The following CNOT4 variants were observed in gnomAD, a reference collection of about 807,000 sequenced individuals.
CNOT4 encodes the protein CCR4-associated factor 4.
CNOT4 carries 8 observed loss-of-function variants against 73.8 expected under a neutral mutation model. The observed-to-expected ratio is 0.11, with a 90% CI of 0.06 to 0.20. The LOEUF (loss-of-function observed/expected upper bound fraction) is 0.20, where lower values mean the gene tolerates loss of function less well. CNOT4 is among the 10% of genes least tolerant of loss of function. The probability of loss-of-function intolerance (pLI) is 1.00; values close to 1 mark genes in which losing one functional copy is unlikely to be tolerated. For missense variants in CNOT4, 564 were observed against 883.4 expected (o/e 0.64, Z 4.58); for synonymous variants, 293 against 321.1 (o/e 0.91, Z 0.94).
At chr7:135,495,125 T>C (rs1476714112) in intron 1 of CNOT4, among the ~76,000 whole-genome samples, 1 of 152,194 alleles carries the variant, frequency 6.6e-6, no homozygotes, top group Non-Finnish European at 1.5e-5. Flanking sequence ...GGTTAGCAAG[T>C]AGCAGAGCCC....
intron 10 of CNOT4, chr7:135,384,514 T>G: frequency 3.3e-6 from 2 of 604,250 alleles, no homozygotes; most frequent in Non-Finnish European, 6.0e-6. Flanking sequence ...CTCGATCTCC[T>G]GACCTTGTGA....
rs962428325 is a variant in CNOT4 at position 135,368,303 on chromosome 7, G to A, written c.1628-4237C>T. On this transcript the variant is annotated intron_variant, in intron 10 of 11. Coordinates refer to ENST00000541284, the MANE Select transcript of CNOT4 (RefSeq NM_001190850.2). ...TGCACTAAACAAGCTGACAAATCTAGTTTTCAGCAACAACAACAGTTTAAA... is the reference window on the plus strand; with the variant it reads ...TGCACTAAACAAGCTGACAAATCTAATTTTCAGCAACAACAACAGTTTAAA... Among the ~76,000 whole-genome samples the A allele has an allele frequency of 2.0e-5, 3 of 152,066 alleles. No homozygotes were observed. In the East Asian group the frequency reaches 5.8e-4, roughly 29 times the overall value.
intron 1 of CNOT4, among the ~76,000 whole-genome samples, chr7:135,503,795 C>T (rs1804162811): frequency 6.6e-6 from 1 of 151,902 alleles, no homozygotes; most frequent in Non-Finnish European, 1.5e-5. Flanking sequence ...AAAGGATTTC[C>T]ATGAAAAGAA....
Position 135,415,113 on chromosome 7 carries a change from G to C in CNOT4, c.459+63C>G. Reference sequence around the variant, plus strand: ...AATCAGAGAGAGCAAAGTTTCCTTTGGAACAGCCCAGGTCAAGCCCAGACC... The same window carrying C: ...AATCAGAGAGAGCAAAGTTTCCTTTCGAACAGCCCAGGTCAAGCCCAGACC... On this transcript the variant is annotated intron_variant, in intron 4 of 11. Coordinates refer to ENST00000541284, the MANE Select transcript of CNOT4 (RefSeq NM_001190850.2). 3.2e-6 allele frequency: 3 copies of C among 943,766 alleles called. No individual in the cohort carries two copies. The South Asian group carries it at 4.2e-5, about 13-fold the overall frequency. The allele number at this position is 943,766 out of a possible 1,614,324, so 58.5% of individuals were successfully genotyped here.
In CNOT4 at chr7:135,504,479, T is replaced by A. The variant is rs1356659448; in HGVS notation, c.-93+5410A>T. ...TCCGGCTAATTTTTTTTTTTTTTTT[T>A]TTTTTTTTTTATTTTTATTTTTTTT... is the stretch of plus-strand genomic sequence containing the variant. On this transcript the variant is annotated intron_variant, in intron 1 of 11. Coordinates refer to ENST00000541284, the MANE Select transcript of CNOT4 (RefSeq NM_001190850.2). 8.0e-4 allele frequency among the ~76,000 whole-genome samples: 43 copies of A among 53,770 alleles called. 6 individuals are homozygous for A. The highest frequency in any genetic ancestry group is 2.3e-3 in the African/African-American group (25 of 10,782). 35.3% of individuals were successfully genotyped at this position (53,770 alleles called of 152,430 possible).
chr7:135,418,770 T>A lies in CNOT4; in HGVS notation c.372+3386A>T, dbSNP rs532215601. ...CACTCTTCTTTATGTGCTACCTAGA[T>A]AACACCTATTAATTCTTCAAGCTGA... On this transcript the variant is annotated intron_variant, in intron 3 of 11. Coordinates refer to ENST00000541284, the MANE Select transcript of CNOT4 (RefSeq NM_001190850.2). Among the ~76,000 whole-genome samples the A allele has an allele frequency of 4.1e-4, 63 of 152,330 alleles. 1 individual carries two copies. In the South Asian group the frequency reaches 0.013, roughly 31 times the overall value.
At chr7:135,486,435 C>G (rs1342693626) in intron 1 of CNOT4, among the ~76,000 whole-genome samples, 2 of 152,124 alleles carry the variant, frequency 1.3e-5, no homozygotes, top group African/African-American at 2.4e-5. Flanking sequence ...AGAAACTGGA[C>G]CACTCATTTA....
At chr7:135,499,637 C>G (rs576383612) in intron 1 of CNOT4, among the ~76,000 whole-genome samples, 3 of 151,358 alleles carry the variant, frequency 2.0e-5, no homozygotes, top group Admixed American at 6.6e-5. Context: ...TCATCCCATA[C>G]TCCAAGGGAT....
rs115532774 is a variant in CNOT4, at chr7:135,441,334, T to C, written c.-92-2911A>G. 8.7e-3 allele frequency among the ~76,000 whole-genome samples: 1,321 copies of C among 152,120 alleles called. 24 individuals are homozygous for C. The highest frequency in any genetic ancestry group is 0.03 in the African/African-American group (1,262 of 41,528). On this transcript the variant is annotated intron_variant, in intron 1 of 11. Coordinates refer to ENST00000541284, the MANE Select transcript of CNOT4 (RefSeq NM_001190850.2). ...GAAAAATTAAATTACTTCTCACTTT[T>C]GCTAATAATTAGAAGAAAAATACAA...
rs748199898 is a variant in CNOT4 at position 135,394,355 on chromosome 7, T to A, written c.1190A>T (p.Lys397Ile). The A allele has an allele frequency of 2.5e-6, 4 of 1,614,102 alleles. No homozygotes were observed. The South Asian group carries it at 4.4e-5, about 18-fold the overall frequency. The change falls in exon 10 of 12, where the codon AAA (lysine) becomes ATA (isoleucine). Residue 397 changes from lysine to isoleucine, a missense_variant. Physicochemically the swap from Lys to Ile is moderately radical, Grantham distance 102. Around this residue, in one of 10 missense-constraint regions of CNOT4, gnomAD observed 14 missense variants for 60.4 expected, o/e 0.23. Transcript: ENST00000541284. ...WQAAFGFGSS[K>I]QPEDDLGFDP... ...AAAACCCAAGTCATCCTCTGGTTGT[T>A]TAGAAGAACCAAAGCCAAAAGCTGC... is the stretch of plus-strand genomic sequence containing the variant.
rs1017308192 is a variant in CNOT4 at position 135,393,953 on chromosome 7, T to C, written c.1592A>G (p.Gln531Arg). ...GATCCCTCCCAGACCTGTGTTGTGC[T>C]GTGGCGGGAGATTCAAGTCCAAGAA... The part of the protein sequence containing the change: ...SNFLDLNLPP[Q>R]HNTGLGGIPV... Residue 531 changes from glutamine (Q) to arginine (R), a missense_variant, in exon 10 of 12, where the codon CAG becomes CGG. This residue lies in a region of CNOT4 where 153 missense variants were observed against 158.7 expected (regional missense o/e 0.96). Transcript: ENST00000541284. 6.2e-7 allele frequency: 1 copy of C among 1,611,936 alleles called. No homozygotes were observed. The highest frequency in any genetic ancestry group is 8.5e-7 in the Non-Finnish European group (1 of 1,178,148).
At chr7:135,509,865 A>G (rs3828960) in intron 1 of CNOT4, 24 bp downstream of exon 1, 88,000 of 393,102 alleles carry the variant, frequency 0.22, 11,878 homozygotes, top group East Asian at 0.49. Flanking sequence ...GGTTTCCCCT[A>G]AGCCCAGCCC....
intron 10 of CNOT4, chr7:135,388,280 A>C: frequency 1.0e-6 from 1 of 985,266 alleles, no homozygotes. Context: ...GACAACTAAA[A>C]ACAATCGCCA....
chr7:135,475,841 G>C (rs1176834423), intron 1 of CNOT4, among the ~76,000 whole-genome samples: 2 of 152,098 alleles, frequency 1.3e-5, no homozygotes, highest in Admixed American at 6.6e-5. Context: ...AGCCCAGGAA[G>C]TCAGGGCTGC....
rs769474954 is a variant in CNOT4, at chr7:135,394,370, C to G, written c.1175G>C (p.Gly392Ala). 1 of 1,613,676 alleles carries G rather than the reference C, an allele frequency of 6.2e-7. No homozygotes were observed. Among genetic ancestry groups the G allele is most frequent in the Non-Finnish European group, 8.5e-7 (1 of 1,179,678 alleles). Residue 392 changes from glycine (G) to alanine (A), a missense_variant, in exon 10 of 12, where the codon GGC becomes GCC. By Grantham distance (60) the Gly-to-Ala change is moderately conservative. Around this residue, in one of 10 missense-constraint regions of CNOT4, gnomAD observed 14 missense variants for 60.4 expected, o/e 0.23. Coordinates refer to ENST00000541284, the MANE Select transcript of CNOT4 (RefSeq NM_001190850.2). ...SSSTDWQAAF[G>A]FGSSKQPEDD... is the part of the protein sequence containing the mutation. ...CTCTGGTTGTTTAGAAGAACCAAAG[C>G]CAAAAGCTGCTTGCCAGTCTGTAGA...
At chr7:135,384,604 T>A (rs766672628) in intron 10 of CNOT4, 143 of 755,532 alleles carry the variant, frequency 1.9e-4, no homozygotes, top group Non-Finnish European at 3.1e-4. Context: ...TCTTAAGCTA[T>A]ACCACATGCT....
intron 7 of CNOT4, among the ~76,000 whole-genome samples, chr7:135,406,047 T>C (rs1342974398): frequency 6.6e-6 from 1 of 152,126 alleles, no homozygotes; most frequent in African/African-American, 2.4e-5. Context: ...GGGTATGACC[T>C]TGGAAAGAGT....
At chr7:135,403,203 T>C (rs1461663269) in intron 7 of CNOT4, among the ~76,000 whole-genome samples, 1 of 152,184 alleles carries the variant, frequency 6.6e-6, no homozygotes, top group Non-Finnish European at 1.5e-5. Context: ...TACATATTCA[T>C]TTTGCTTCTA....
In CNOT4 at chr7:135,500,983, C is replaced by T. The variant is rs112063381; in HGVS notation, c.-93+8906G>A. Among the ~76,000 whole-genome samples, 4 of 134,528 alleles carry T rather than the reference C, an allele frequency of 3.0e-5. 1 individual carries two copies. The highest frequency in any genetic ancestry group is 8.4e-5 in the African/African-American group (3 of 35,832). 88.3% of individuals were successfully genotyped at this position (134,528 alleles called of 152,430 possible). On this transcript the variant is annotated intron_variant, in intron 1 of 11. Coordinates refer to ENST00000541284, the MANE Select transcript of CNOT4 (RefSeq NM_001190850.2). ...CACTGGTAGCTATTTTCTACTAAAC[C>T]TTTTTTTTTTTTTTTTTGGAGACAG...
Sources: allele counts gnomAD v4.1 joint callset (sites outside exome capture counted in the v4.1 genomes callset), GRCh38; gene constraint gnomAD v4.1.1; regional missense constraint gnomAD v4.1.1; transcripts MANE v1.5; gene names NCBI Gene and HGNC (gene_info 2026-07-23, HGNC 2026-07-21).